MGAT4C: variants seen among roughly 807,000 people sequenced by gnomAD.
The protein encoded by MGAT4C is alpha-1,3-mannosyl-glycoprotein 4-beta-N-acetylglucosaminyltransferase C.
MGAT4C carries 19 observed loss-of-function variants against 40.1 expected under a neutral mutation model. The ratio of observed to expected loss-of-function variants is 0.47; its 90% CI spans 0.33 to 0.70. MGAT4C has a LOEUF of 0.70. Among genes scored for constraint, MGAT4C ranks in the 30% least tolerant of loss-of-function variants. The pLI is 0.02. For synonymous variants in MGAT4C, 181 were observed against 187.1 expected (o/e 0.97, Z 0.27); for missense variants, 491 against 563.2 (o/e 0.87, Z 1.30).
intron 1 of MGAT4C, among the ~76,000 whole-genome samples, chr12:86,092,759 A>G (rs528373554): frequency 6.6e-6 from 1 of 152,294 alleles, no homozygotes; most frequent in South Asian, 2.1e-4. Context: ...CCTGCAGGGC[A>G]TAGGCCTCTA....
intron 2 of MGAT4C, among the ~76,000 whole-genome samples, chr12:86,503,115 G>T (rs1381336636): frequency 7.4e-5 from 2 of 27,078 alleles, no homozygotes; most frequent in Non-Finnish European, 1.2e-4. Context: ...TATGAGTTCT[G>T]CTCATATATA....
intron 1 of MGAT4C, among the ~76,000 whole-genome samples, chr12:86,199,544 G>T (rs1949959314): frequency 6.6e-6 from 1 of 151,892 alleles, no homozygotes; most frequent in Non-Finnish European, 1.5e-5. Flanking sequence ...TTTTTTATGT[G>T]TATTTCATGC....
intron 4 of MGAT4C, among the ~76,000 whole-genome samples, chr12:86,276,390 C>A (rs1381583669): frequency 1.3e-5 from 2 of 152,112 alleles, no homozygotes; most frequent in Non-Finnish European, 2.9e-5. Flanking sequence ...ATATCCATCA[C>A]CTCAAGTAAT....
At chr12:86,136,388 A>G (rs1262505392) in intron 1 of MGAT4C, among the ~76,000 whole-genome samples, 1 of 152,190 alleles carries the variant, frequency 6.6e-6, no homozygotes, top group Non-Finnish European at 1.5e-5. Flanking sequence ...GAAAAAAGAA[A>G]GCATGGAGAT....
intron 1 of MGAT4C, among the ~76,000 whole-genome samples, chr12:86,214,235 C>A (rs1417936347): frequency 2.6e-5 from 4 of 152,148 alleles, no homozygotes; most frequent in Admixed American, 2.6e-4. Context: ...GCATAGACCC[C>A]TTTTCTTCTG....
chr12:86,367,114 C>T (rs1001364571), intron 3 of MGAT4C, among the ~76,000 whole-genome samples: 8 of 151,954 alleles, frequency 5.3e-5, no homozygotes, highest in Non-Finnish European at 1.2e-4. Context: ...CTCAGACAAA[C>T]ACCACCACTT....
intron 3 of MGAT4C, among the ~76,000 whole-genome samples, chr12:86,401,270 GT>G (rs1253743228): frequency 7.6e-6 from 1 of 132,394 alleles, no homozygotes. Context: ...ATGTGTGTGT[GT>G]GTGTGTGTGT....
intron 1 of MGAT4C, among the ~76,000 whole-genome samples, chr12:86,164,847 G>A (rs536593975): frequency 9.1e-4 from 138 of 152,160 alleles, no homozygotes; most frequent in African/African-American, 3.2e-3. Context: ...TAATGAGATT[G>A]GACGTGAAAA....
At chr12:86,181,574 A>G (rs753048733) in intron 1 of MGAT4C, among the ~76,000 whole-genome samples, 1 of 152,166 alleles carries the variant, frequency 6.6e-6, no homozygotes, top group Non-Finnish European at 1.5e-5. Context: ...AAGTATATCA[A>G]TCTATACAAT....
chr12:85,965,674 T>C lies in MGAT4C; in HGVS notation c.*13615A>G, dbSNP rs1883330684. Reference sequence around the variant, plus strand: ...CGCTGAAAGGCAGAGAAGAAGTAATTATGAACAAACTGTTCATGAAGTGAT... The same window carrying C: ...CGCTGAAAGGCAGAGAAGAAGTAATCATGAACAAACTGTTCATGAAGTGAT... On this transcript the variant is annotated 3_prime_UTR_variant, in exon 5 of 5. Coordinates refer to ENST00000611864, the MANE Select transcript of MGAT4C (RefSeq NM_001351288.2). 6.6e-6 allele frequency: 1 copy of C among 151,400 alleles called. No homozygotes were observed. Among genetic ancestry groups the C allele is most frequent in the Admixed American group, 6.6e-5 (1 of 15,192 alleles). 9.4% of individuals were successfully genotyped at this position (151,400 alleles called of 1,614,324 possible).
At chr12:86,088,304 C>G (rs1166347573) in intron 1 of MGAT4C, among the ~76,000 whole-genome samples, 2 of 151,926 alleles carry the variant, frequency 1.3e-5, no homozygotes, top group Non-Finnish European at 1.5e-5. Flanking sequence ...ATTCTGGACA[C>G]AAGCCCTGGC....
intron 1 of MGAT4C, among the ~76,000 whole-genome samples, chr12:86,136,726 T>A (rs917298745): frequency 1.3e-5 from 2 of 152,166 alleles, no homozygotes; most frequent in Non-Finnish European, 2.9e-5. Flanking sequence ...TTTGCTCTTG[T>A]CATCCGGTCC....
At chr12:86,406,662 G>A (rs1188665010) in intron 3 of MGAT4C, among the ~76,000 whole-genome samples, 1 of 151,788 alleles carries the variant, frequency 6.6e-6, no homozygotes, top group Non-Finnish European at 1.5e-5. Flanking sequence ...CATTGTTGCT[G>A]GTAATGTAAA....
intron 1 of MGAT4C, among the ~76,000 whole-genome samples, chr12:86,787,413 G>T (rs1036905553): frequency 1.3e-5 from 2 of 151,780 alleles, no homozygotes; most frequent in African/African-American, 2.4e-5. Context: ...TTTCTATTGT[G>T]AATAGTGCTG....
At chr12:86,566,551 T>A (rs1291569889) in intron 2 of MGAT4C, among the ~76,000 whole-genome samples, 2 of 110,812 alleles carry the variant, frequency 1.8e-5, no homozygotes, top group African/African-American at 9.2e-5. Flanking sequence ...TATATATATA[T>A]ATATATATAT....
At chr12:86,092,615 A>G (rs1873088239) in intron 1 of MGAT4C, among the ~76,000 whole-genome samples, 1 of 152,114 alleles carries the variant, frequency 6.6e-6, no homozygotes, top group African/African-American at 2.4e-5. Context: ...TAAATTCTCA[A>G]TTAACTCTGT....
At chr12:86,679,292 ATTTG>A (rs1457123020) in intron 2 of MGAT4C, among the ~76,000 whole-genome samples, 1 of 151,940 alleles carries the variant, frequency 6.6e-6, no homozygotes, top group Non-Finnish European at 1.5e-5. Flanking sequence ...TTTCTTGTAA[ATTTG>A]TTTGAGTTCA....
intron 3 of MGAT4C, among the ~76,000 whole-genome samples, chr12:85,986,494 CT>C (rs1409969048): frequency 2.6e-5 from 4 of 152,182 alleles, no homozygotes; most frequent in African/African-American, 9.7e-5. Context: ...GCACATATAT[CT>C]CTAATACATA....
chr12:86,524,102 T>C (rs1040044499), intron 2 of MGAT4C, among the ~76,000 whole-genome samples: 1 of 152,206 alleles, frequency 6.6e-6, no homozygotes, highest in Non-Finnish European at 1.5e-5. Context: ...CAGGTTGGTA[T>C]GGATATGTGT....
Sources: gnomAD v4.1 joint callset for allele counts (sites outside exome capture counted in the v4.1 genomes callset) on GRCh38, gnomAD v4.1.1 for gene constraint, MANE v1.5 for transcripts, NCBI Gene and HGNC (gene_info 2026-07-23, HGNC 2026-07-21) for gene names.